Variants in TARS3 observed in about 807,000 individuals in gnomAD.
TARS3 encodes threonyl-tRNA synthetase 3.
TARS3 carries 94 observed loss-of-function variants against 103.5 expected under a neutral mutation model. The ratio of observed to expected loss-of-function variants is 0.91; its 90% CI spans 0.77 to 1.08. TARS3 has a LOEUF of 1.08. Among genes scored for constraint, TARS3 ranks in the 50% least tolerant of loss-of-function variants. The pLI is 0.00. For missense variants in TARS3, 952 were observed against 995.2 expected (o/e 0.96, Z 0.58); for synonymous variants, 416 against 355.4 (o/e 1.17, Z -1.92).
chr15:101,699,101 C>T (rs1456735241), intron 10 of TARS3, among the ~76,000 whole-genome samples: 2 of 152,188 alleles, frequency 1.3e-5, no homozygotes, highest in East Asian at 1.9e-4. Flanking sequence ...ACCTAAATTA[C>T]ATGTAATACT....
chr15:101,665,462 C>T (rs1374415584), intron 15 of TARS3, among the ~76,000 whole-genome samples: 1 of 152,174 alleles, frequency 6.6e-6, no homozygotes, highest in Non-Finnish European at 1.5e-5. Flanking sequence ...CAGCCTACAG[C>T]CTACAGAAAC....
At chr15:101,693,822 C>A (rs1898843754) in intron 10 of TARS3, among the ~76,000 whole-genome samples, 2 of 151,948 alleles carry the variant, frequency 1.3e-5, no homozygotes, top group Admixed American at 6.6e-5. Flanking sequence ...AGTATGATTC[C>A]ATTTATATGC....
chr15:101,714,316 T>A (rs1900019658), intron 4 of TARS3, among the ~76,000 whole-genome samples: 1 of 151,984 alleles, frequency 6.6e-6, no homozygotes. Context: ...TTGTAAGAAA[T>A]GATAAGGCTG....
chr15:101,658,853 C>T (rs901230955), intron 16 of TARS3, among the ~76,000 whole-genome samples: 2 of 152,138 alleles, frequency 1.3e-5, no homozygotes, highest in Non-Finnish European at 2.9e-5. Context: ...AGTGCAGTGG[C>T]GTGATCTCGG....
chr15:101,669,068 G>A (rs1390437680), intron 15 of TARS3, among the ~76,000 whole-genome samples: 2 of 152,160 alleles, frequency 1.3e-5, no homozygotes, highest in African/African-American at 4.8e-5. Flanking sequence ...ATTATCATGG[G>A]TGATGACAGC....
intron 4 of TARS3, among the ~76,000 whole-genome samples, chr15:101,713,018 G>A (rs1022154225): frequency 3.9e-5 from 6 of 152,150 alleles, no homozygotes; most frequent in Non-Finnish European, 7.4e-5. Flanking sequence ...TCTCCCATGT[G>A]GTGCACTGTC....
At chr15:101,672,618 T>G (rs1897856044) in intron 13 of TARS3, among the ~76,000 whole-genome samples, 1 of 137,234 alleles carries the variant, frequency 7.3e-6, no homozygotes, top group Non-Finnish European at 1.7e-5. Context: ...GAAAGCTGAC[T>G]CCTGGAGTCC....
At chr15:101,709,752 G>C (rs1899763782) in intron 5 of TARS3, among the ~76,000 whole-genome samples, 1 of 152,230 alleles carries the variant, frequency 6.6e-6, no homozygotes, top group African/African-American at 2.4e-5. Context: ...CCAGCACAGA[G>C]CACACAGCAG....
intron 16 of TARS3, 141 bp from the exon 17 acceptor site, chr15:101,657,998 T>C: frequency 1.9e-6 from 1 of 530,470 alleles, no homozygotes; most frequent in East Asian, 3.3e-5. Flanking sequence ...AACTAAATTA[T>C]ATTAAAGTTT....
intron 18 of TARS3, chr15:101,655,832 C>T (rs953650534): frequency 1.6e-4 from 196 of 1,248,958 alleles, no homozygotes; most frequent in Middle Eastern, 7.1e-4. Context: ...GAGCGGGGAG[C>T]TCTTACAGGC....
rs1452116653 is a variant in TARS3, at chr15:101,656,847, T to C, written c.2260+75A>G. Reference sequence around the variant, plus strand: ...TCATGATAATCAAGTAGTTGAACCATATTTCTTATTTGGTCTTTTGGAATT... The same window carrying C: ...TCATGATAATCAAGTAGTTGAACCACATTTCTTATTTGGTCTTTTGGAATT... On this transcript the variant is annotated intron_variant, in intron 18 of 18. Transcript: ENST00000335968. 4.7e-6 allele frequency: 4 copies of C among 856,166 alleles called. No individual in the cohort carries two copies. The African/African-American group carries it at 5.1e-5, about 11-fold the overall frequency. 53.0% of individuals were successfully genotyped at this position (856,166 alleles called of 1,614,324 possible). A position where few individuals can be genotyped will look rare whatever the true frequency, so the allele number is the denominator to read the frequency against.
intron 10 of TARS3, among the ~76,000 whole-genome samples, chr15:101,688,161 GTC>G (rs1259359201): frequency 3.9e-5 from 6 of 151,920 alleles, no homozygotes; most frequent in East Asian, 1.9e-4. Context: ...ATATTGTTTT[GTC>G]TCTCACACAC....
At chr15:101,703,451 G>A (rs958572834) in intron 8 of TARS3, among the ~76,000 whole-genome samples, 5 of 152,066 alleles carry the variant, frequency 3.3e-5, no homozygotes, top group Non-Finnish European at 7.4e-5. Flanking sequence ...TTAGCCGGGT[G>A]GGGTGGTGCA....
Position 101,724,100 on chromosome 15 carries a change from G to A in TARS3, c.288C>T (p.Ala96=), listed in dbSNP as rs747215196. 6 of 1,363,446 alleles carry A rather than the reference G, an allele frequency of 4.4e-6. No individual in the cohort carries two copies. The highest frequency in any genetic ancestry group is 2.8e-6 in the Non-Finnish European group (3 of 1,059,226). 84.5% of individuals were successfully genotyped at this position (1,363,446 alleles called of 1,614,324 possible). A position where few individuals can be genotyped will look rare whatever the true frequency, so the allele number is the denominator to read the frequency against. Residue 96 remains alanine (A), a synonymous_variant, in exon 1 of 19, where the codon GCC becomes GCT. Coordinates refer to ENST00000335968, the MANE Select transcript of TARS3 (RefSeq NM_152334.3). ...CCCACCGCCCGGTTACCTGTGCGCC[G>A]GCCTCCTGCGCCGCCTCTAGCTCCG... ...ESAELEAAQE[A]GAQPPPSQSQ...
intron 1 of TARS3, among the ~76,000 whole-genome samples, chr15:101,723,694 A>G (rs540142771): frequency 2.6e-5 from 4 of 152,388 alleles, no homozygotes; most frequent in African/African-American, 9.6e-5. Flanking sequence ...GTCCAAAAAA[A>G]ACCCAACAAC....
In TARS3 at chr15:101,691,945, G is replaced by A. The variant is rs905684811; in HGVS notation, c.1321-5883C>T. ...GGTTCTCAGGCCTCTGCACTCAGGCGAGAATTACATCTCCAACTTTCTTGG... is the reference window on the plus strand; with the variant it reads ...GGTTCTCAGGCCTCTGCACTCAGGCAAGAATTACATCTCCAACTTTCTTGG... On this transcript the variant is annotated intron_variant, in intron 10 of 18. Transcript: ENST00000335968. 4.7e-4 allele frequency among the ~76,000 whole-genome samples: 72 copies of A among 152,074 alleles called. 1 individual carries two copies. The highest frequency in any genetic ancestry group is 3.4e-3 in the Middle Eastern group (1 of 294).
chr15:101,675,468 A>AT (rs1220227356), intron 13 of TARS3, 132 bp downstream of exon 13: 13 of 787,648 alleles, frequency 1.7e-5, no homozygotes, highest in Non-Finnish European at 2.3e-5. Flanking sequence ...TCTACAACCT[A>AT]TATATCTATC....
At chr15:101,672,266 T>G (rs535798325) in intron 13 of TARS3, among the ~76,000 whole-genome samples, 115 of 152,268 alleles carry the variant, frequency 7.6e-4, no homozygotes, top group Non-Finnish European at 1.1e-3. Context: ...TGTGGAGGCA[T>G]GAGGCTCCAC....
rs1337713504 is a variant in TARS3, at chr15:101,701,099, G to A, written c.1307C>T (p.Thr436Ile). The A allele has an allele frequency of 1.9e-6, 3 of 1,567,128 alleles. No homozygotes were observed. The highest frequency in any genetic ancestry group is 4.1e-5 in the Admixed American group (2 of 49,288). Reference sequence around the variant, plus strand: ...AAGTTAACTTACTCGTATGAAATCTGTAAGCGTATTATAAATGAAGGCTCC... The same window carrying A: ...AAGTTAACTTACTCGTATGAAATCTATAAGCGTATTATAAATGAAGGCTCC... ...PRGAFIYNTL[T>I]DFIREEYHKR... Residue 436 changes from threonine to isoleucine, a missense_variant, in exon 10 of 19, where the codon ACA becomes ATA. Thr to Ile is a moderately conservative substitution (Grantham distance 89, BLOSUM62 -1). Around this residue, in one of 2 missense-constraint regions of TARS3, gnomAD observed 540 missense variants for 631.0 expected, o/e 0.86. Coordinates refer to ENST00000335968, the MANE Select transcript of TARS3 (RefSeq NM_152334.3).
Sources: gnomAD v4.1 joint callset for allele counts (sites outside exome capture counted in the v4.1 genomes callset) on GRCh38, gnomAD v4.1.1 for gene constraint, gnomAD v4.1.1 regional missense constraint, MANE v1.5 for transcripts, NCBI Gene and HGNC (gene_info 2026-07-23, HGNC 2026-07-21) for gene names.